The following ATG7 variants were observed in gnomAD, a reference collection of about 807,000 sequenced individuals.
The protein encoded by ATG7 is autophagy related 7.
A neutral mutation model predicts 82.4 loss-of-function variants in ATG7; 70 were observed. The ratio of observed to expected loss-of-function variants is 0.85; its 90% CI spans 0.70 to 1.04. ATG7 has a LOEUF of 1.04. ATG7 is among the 50% of genes least tolerant of loss of function. The pLI is 0.00. For synonymous variants in ATG7, 287 were observed against 313.0 expected, an observed-to-expected ratio of 0.92 and a Z score of 0.88; for missense variants, 792 against 864.3, an observed-to-expected ratio of 0.92 and a Z score of 1.05.
Position 11,364,768 on chromosome 3 carries a change from T to C in ATG7, c.1875+34T>C, listed in dbSNP as rs759152447. 4 of 1,609,364 alleles carry C rather than the reference T, an allele frequency of 2.5e-6. No individual in the cohort carries two copies. In the Admixed American group the frequency reaches 5.0e-5, roughly 20 times the overall value. On this transcript the variant is annotated intron_variant, in intron 18 of 20. Transcript: ENST00000693202. ...TGTGGAAGTGAAATCACAATTCTTT[T>C]GGTACAGGGGGAAAGCATGTGGGGT... is the stretch of plus-strand genomic sequence containing the variant.
chr3:11,480,490 G>A (rs919309337), intron 20 of ATG7, among the ~76,000 whole-genome samples: 41 of 152,088 alleles, frequency 2.7e-4, no homozygotes, highest in Non-Finnish European at 4.9e-4. Context: ...GATGGTTTGC[G>A]GCAGGGGGCC....
chr3:11,318,764 G>A (rs1319328612), intron 9 of ATG7, among the ~76,000 whole-genome samples: 2 of 152,078 alleles, frequency 1.3e-5, no homozygotes, highest in Non-Finnish European at 2.9e-5. Flanking sequence ...CTACCCCTGT[G>A]CCCTCCAAAT....
At chr3:11,333,200 A>G in intron 11 of ATG7, 107 bp downstream of exon 11, 2 of 1,381,096 alleles carry the variant, frequency 1.4e-6, no homozygotes, top group African/African-American at 1.5e-5. Flanking sequence ...GGAAGAGAAA[A>G]GTACAACTTG....
intron 18 of ATG7, among the ~76,000 whole-genome samples, chr3:11,378,939 C>G (rs2077665132): frequency 6.6e-6 from 1 of 151,932 alleles, no homozygotes; most frequent in Non-Finnish European, 1.5e-5. Flanking sequence ...GTCTTCTGTT[C>G]TGTTCAAGTG....
intron 20 of ATG7, among the ~76,000 whole-genome samples, chr3:11,515,851 A>G (rs2092261959): frequency 6.6e-6 from 1 of 152,138 alleles, no homozygotes; most frequent in African/African-American, 2.4e-5. Flanking sequence ...TCTAAACCAC[A>G]AGAGAAGTTG....
intron 11 of ATG7, 59 bp from the exon 12 acceptor site, chr3:11,340,585 TG>T: frequency 1.4e-6 from 2 of 1,465,826 alleles, no homozygotes; most frequent in Non-Finnish European, 1.9e-6. Context: ...GGTCGTTGCT[TG>T]ATCTGCTTGT....
intron 20 of ATG7, among the ~76,000 whole-genome samples, chr3:11,486,426 G>A (rs1489446348): frequency 6.6e-6 from 1 of 152,168 alleles, no homozygotes; most frequent in Non-Finnish European, 1.5e-5. Context: ...ATCAGCATAA[G>A]GAGATTTTGG....
intron 2 of ATG7, among the ~76,000 whole-genome samples, chr3:11,281,360 C>A (rs908043790): frequency 1.3e-5 from 2 of 152,208 alleles, no homozygotes; most frequent in Admixed American, 1.3e-4. Context: ...AATCTTGAAG[C>A]AGAGGTGTAA....
intron 9 of ATG7, among the ~76,000 whole-genome samples, chr3:11,319,410 C>A (rs1949903993): frequency 6.6e-6 from 1 of 152,172 alleles, no homozygotes; most frequent in Admixed American, 6.5e-5. Context: ...GCACTTTGTT[C>A]CCTGAAAAGT....
At chr3:11,290,899 G>A (rs1245991757) in intron 3 of ATG7, among the ~76,000 whole-genome samples, 3 of 152,044 alleles carry the variant, frequency 2.0e-5, no homozygotes, top group Non-Finnish European at 4.4e-5. Context: ...TGGTCAGGCT[G>A]GTCTTGACCT....
At chr3:11,456,949 G>A (rs2454504) in intron 20 of ATG7, among the ~76,000 whole-genome samples, 126,286 of 152,112 alleles carry the variant, frequency 0.83, 52,572 homozygotes, top group East Asian at 1. Flanking sequence ...TCAGCTTCCA[G>A]CATGTCTCCT....
At chr3:11,521,401 G>C (rs1384207718) in intron 20 of ATG7, among the ~76,000 whole-genome samples, 1 of 152,148 alleles carries the variant, frequency 6.6e-6, no homozygotes, top group Non-Finnish European at 1.5e-5. Context: ...GTATGTGGTG[G>C]TGGAGAAAAA....
intron 18 of ATG7, among the ~76,000 whole-genome samples, chr3:11,365,534 T>G (rs2076543437): frequency 6.6e-6 from 1 of 152,166 alleles, no homozygotes; most frequent in Non-Finnish European, 1.5e-5. Context: ...ATTCCATGTA[T>G]GTATCCTCTC....
In ATG7 at chr3:11,546,025, C is replaced by A. The variant is rs142203763; in HGVS notation, c.2080-8786C>A. The stretch of plus-strand genomic sequence containing the variant: ...TGGTGGCATATGCCTGTAGTCCCAA[C>A]TACTAAGGAGGCTGAGGTAGGAGGA... On this transcript the variant is annotated intron_variant, in intron 20 of 20. Transcript: ENST00000693202. Among the ~76,000 whole-genome samples the A allele has an allele frequency of 5.1e-3, 777 of 152,240 alleles. 7 individuals carry two copies. The highest frequency in any genetic ancestry group is 0.018 in the African/African-American group (744 of 41,544).
intron 9 of ATG7, among the ~76,000 whole-genome samples, chr3:11,319,772 C>T (rs190144208): frequency 5.3e-5 from 8 of 152,344 alleles, no homozygotes; most frequent in Admixed American, 2.6e-4. Flanking sequence ...CCTACCACCC[C>T]TGTGTCTTGT....
chr3:11,373,912 T>G (rs2077208072), intron 18 of ATG7, among the ~76,000 whole-genome samples: 1 of 152,230 alleles, frequency 6.6e-6, no homozygotes, highest in South Asian at 2.1e-4. Context: ...CTATTTTCTC[T>G]GTATAGTCCA....
intron 14 of ATG7, among the ~76,000 whole-genome samples, chr3:11,358,120 A>G (rs1322570743): frequency 1.3e-5 from 2 of 152,052 alleles, no homozygotes; most frequent in African/African-American, 4.8e-5. Flanking sequence ...AAAGATACAC[A>G]GTTTTCTCCA....
chr3:11,562,197 C>T (rs1214325355), downstream of ATG7, among the ~76,000 whole-genome samples: 1 of 152,172 alleles, frequency 6.6e-6, no homozygotes, highest in Non-Finnish European at 1.5e-5. Context: ...GTGCCCAGCC[C>T]TCAATGTGCG....
downstream of ATG7, among the ~76,000 whole-genome samples, chr3:11,559,631 C>T (rs561475653): frequency 1.6e-4 from 25 of 152,342 alleles, 1 homozygote; most frequent in South Asian, 4.3e-3. Flanking sequence ...ACAGAGTGAG[C>T]GCAGCTCCAA....
Sources: gnomAD v4.1 joint callset for allele counts (sites outside exome capture counted in the v4.1 genomes callset) on GRCh38, gnomAD v4.1.1 for gene constraint, MANE v1.5 for transcripts, NCBI Gene and HGNC (gene_info 2026-07-23, HGNC 2026-07-21) for gene names.